The following CNTNAP2 variants were observed in gnomAD, a reference collection of about 807,000 sequenced individuals.
CNTNAP2 encodes contactin-associated protein-like 2.
A neutral mutation model predicts 155.2 loss-of-function variants in CNTNAP2; 98 were observed. The ratio of observed to expected loss-of-function variants is 0.63; its 90% CI spans 0.54 to 0.75. CNTNAP2 has a LOEUF of 0.75. CNTNAP2 is among the 30% of genes least tolerant of loss of function. The pLI, the probability that CNTNAP2 is intolerant of heterozygous loss-of-function variation, is 0.00. For synonymous variants in CNTNAP2, 651 were observed against 631.2 expected (o/e 1.03, Z -0.47); for missense variants, 1,727 against 1,688.1 (o/e 1.02, Z -0.40).
At chr7:147,236,319 C>T (rs962510943) in intron 8 of CNTNAP2, among the ~76,000 whole-genome samples, 2 of 152,232 alleles carry the variant, frequency 1.3e-5, no homozygotes, top group African/African-American at 4.8e-5. Context: ...CACTGGCTCT[C>T]TGATTTTCCA....
chr7:147,870,186 T>G (rs1199512887), intron 13 of CNTNAP2, among the ~76,000 whole-genome samples: 1 of 151,810 alleles, frequency 6.6e-6, no homozygotes, highest in African/African-American at 2.4e-5. Flanking sequence ...ATGTTGAAAA[T>G]TTGGTGAGGA....
At chr7:147,162,567 C>T (rs1802046716) in intron 8 of CNTNAP2, among the ~76,000 whole-genome samples, 1 of 152,110 alleles carries the variant, frequency 6.6e-6, no homozygotes, top group Non-Finnish European at 1.5e-5. Context: ...AGTCCTTTTA[C>T]ACAGTATTTA....
chr7:147,713,376 T>C (rs1252975242), intron 13 of CNTNAP2, among the ~76,000 whole-genome samples: 3 of 152,170 alleles, frequency 2.0e-5, no homozygotes, highest in Non-Finnish European at 2.9e-5. Context: ...CCTGCCTCTA[T>C]AGTTTTCCAT....
intron 9 of CNTNAP2, among the ~76,000 whole-genome samples, chr7:147,391,440 T>A (rs2116444645): frequency 6.6e-6 from 1 of 152,268 alleles, no homozygotes; most frequent in East Asian, 1.9e-4. Flanking sequence ...CAAAGGCCTG[T>A]TTCTATTTTG....
intron 1 of CNTNAP2, among the ~76,000 whole-genome samples, chr7:146,757,642 A>G (rs1802015922): frequency 6.6e-6 from 1 of 152,202 alleles, no homozygotes; most frequent in Non-Finnish European, 1.5e-5. Context: ...GTTGACAACT[A>G]AATGGAAATT....
At chr7:146,384,913 G>A (rs1198174954) in intron 1 of CNTNAP2, among the ~76,000 whole-genome samples, 1 of 152,126 alleles carries the variant, frequency 6.6e-6, no homozygotes, top group Non-Finnish European at 1.5e-5. Flanking sequence ...AATAATTGAG[G>A]GCGGTAAATG....
At chr7:148,322,073 A>C (rs1272407444) in intron 21 of CNTNAP2, among the ~76,000 whole-genome samples, 1 of 147,994 alleles carries the variant, frequency 6.8e-6, no homozygotes. Context: ...GGCGCACACC[A>C]CTGCGTCTGG....
At chr7:147,737,563 A>C (rs567979102) in intron 13 of CNTNAP2, among the ~76,000 whole-genome samples, 1 of 152,128 alleles carries the variant, frequency 6.6e-6, no homozygotes, top group East Asian at 1.9e-4. Context: ...AGGGACATTT[A>C]AGTCTGCAGA....
chr7:148,002,838 G>A (rs1801920441), intron 15 of CNTNAP2, among the ~76,000 whole-genome samples: 2 of 152,134 alleles, frequency 1.3e-5, no homozygotes, highest in African/African-American at 4.8e-5. Flanking sequence ...GGGAGCTCAA[G>A]TAATACTGTT....
At chr7:147,187,413 ATG>A (rs1638596616) in intron 8 of CNTNAP2, among the ~76,000 whole-genome samples, 1 of 152,188 alleles carries the variant, frequency 6.6e-6, no homozygotes, top group South Asian at 2.1e-4. Context: ...CACAAATACC[ATG>A]GAATACTAGG....
intron 10 of CNTNAP2, among the ~76,000 whole-genome samples, chr7:147,439,981 T>A (rs766103006): frequency 6.6e-6 from 1 of 151,932 alleles, no homozygotes; most frequent in African/African-American, 2.4e-5. Context: ...ATAGGTGAAA[T>A]GTGGCAACAG....
chr7:147,392,696 T>C (rs1267331145), intron 9 of CNTNAP2, among the ~76,000 whole-genome samples: 1 of 152,102 alleles, frequency 6.6e-6, no homozygotes, highest in Non-Finnish European at 1.5e-5. Flanking sequence ...TTCATTTAAT[T>C]TTATGACTGA....
chr7:147,763,412 A>C lies in CNTNAP2; in HGVS notation c.2098+124106A>C, dbSNP rs572780383. On this transcript the variant is annotated intron_variant, in intron 13 of 23. Coordinates refer to ENST00000361727, the MANE Select transcript of CNTNAP2 (RefSeq NM_014141.6). ...GAGAGGGAGAATACGATACTTTACA[A>C]ATTTTTCTTTTTTTTTTTTTGGAGA... Among the ~76,000 whole-genome samples, 20 of 143,036 alleles carry C rather than the reference A, an allele frequency of 1.4e-4. 1 individual carries two copies. Among genetic ancestry groups the C allele is most frequent in the African/African-American group, 5.1e-4 (18 of 35,624 alleles). 93.8% of individuals were successfully genotyped at this position (143,036 alleles called of 152,430 possible). A position where few individuals can be genotyped will look rare whatever the true frequency, so the allele number is the denominator to read the frequency against.
intron 1 of CNTNAP2, among the ~76,000 whole-genome samples, chr7:146,520,937 C>T (rs1797608980): frequency 6.6e-6 from 1 of 151,916 alleles, no homozygotes; most frequent in Non-Finnish European, 1.5e-5. Context: ...CTGACTCCAA[C>T]ACTTTCCATC....
chr7:147,904,900 TACACACAC>T (rs58242194), intron 14 of CNTNAP2, among the ~76,000 whole-genome samples: 130 of 149,200 alleles, frequency 8.7e-4, no homozygotes, highest in African/African-American at 3.1e-3. Context: ...AAGATGTATC[TACACACAC>T]ACACACACAC....
intron 3 of CNTNAP2, among the ~76,000 whole-genome samples, chr7:147,021,364 A>G (rs35633091): frequency 0.047 from 7,159 of 152,198 alleles, 203 homozygotes; most frequent in African/African-American, 0.073. Flanking sequence ...TTTTTATTAC[A>G]TATTCTATAG....
intron 15 of CNTNAP2, among the ~76,000 whole-genome samples, chr7:147,989,074 G>A (rs1801668564): frequency 6.6e-6 from 1 of 152,210 alleles, no homozygotes; most frequent in South Asian, 2.1e-4. Context: ...GGAAAGCTGA[G>A]AGGCCTCATG....
At chr7:147,179,133 G>T (rs1441946371) in intron 8 of CNTNAP2, among the ~76,000 whole-genome samples, 6 of 152,130 alleles carry the variant, frequency 3.9e-5, no homozygotes, top group South Asian at 4.1e-4. Flanking sequence ...GAGTCTTCTA[G>T]ATTTCTATGC....
At chr7:147,812,011 CA>C (rs1369493056) in intron 13 of CNTNAP2, among the ~76,000 whole-genome samples, 3 of 152,090 alleles carry the variant, frequency 2.0e-5, no homozygotes, top group Non-Finnish European at 4.4e-5. Flanking sequence ...CAAATAATAG[CA>C]ATGTTAGGGG....
Sources: allele counts gnomAD v4.1 joint callset (sites outside exome capture counted in the v4.1 genomes callset), GRCh38; gene constraint gnomAD v4.1.1; transcripts MANE v1.5; gene names NCBI Gene and HGNC (gene_info 2026-07-23, HGNC 2026-07-21).